Variants in NELL1 observed in about 807,000 individuals in gnomAD.
NELL1 encodes the protein neural EGFL like 1, also known as protein kinase C-binding protein NELL1.
A neutral mutation model predicts 107.4 loss-of-function variants in NELL1; 76 were observed. The ratio of observed to expected loss-of-function variants is 0.71; its 90% CI spans 0.59 to 0.86. The LOEUF is 0.86. Among genes scored for constraint, NELL1 ranks in the 40% least tolerant of loss-of-function variants. The probability of loss-of-function intolerance (pLI) is 0.00; values close to 1 mark genes in which losing one functional copy is unlikely to be tolerated. For synonymous variants in NELL1, 353 were observed against 341.2 expected, an observed-to-expected ratio of 1.03 and a Z score of -0.38; for missense variants, 1,024 against 1,005.5, an observed-to-expected ratio of 1.02 and a Z score of -0.25.
At position 21,044,358 on chromosome 11, in the gene NELL1, G is replaced by A. The variant is rs573284907; in HGVS notation, c.1301-69231G>A. ...AAGCAGTTTTCATAGGAGTGGTGAGGGCAGAAAGCTGCCAGAAAGGAAGAG... is the reference window on the plus strand; with the variant it reads ...AAGCAGTTTTCATAGGAGTGGTGAGAGCAGAAAGCTGCCAGAAAGGAAGAG... On this transcript the variant is annotated intron_variant, in intron 12 of 19. Coordinates refer to ENST00000357134, the MANE Select transcript of NELL1 (RefSeq NM_006157.5). Among the ~76,000 whole-genome samples the A allele has an allele frequency of 4.6e-5, 7 of 152,204 alleles. No homozygotes were observed. The South Asian group carries it at 8.3e-4, about 18-fold the overall frequency.
chr11:20,767,669 T>G (rs1376131758), intron 2 of NELL1, among the ~76,000 whole-genome samples: 1 of 152,220 alleles, frequency 6.6e-6, no homozygotes, highest in Non-Finnish European at 1.5e-5. Context: ...ACCCTGTCCT[T>G]GAGGGGCTAT....
chr11:21,554,936 A>G (rs1260072999), intron 16 of NELL1, among the ~76,000 whole-genome samples: 3 of 152,056 alleles, frequency 2.0e-5, no homozygotes, highest in Admixed American at 6.6e-5. Context: ...CTGGATTACA[A>G]AGGTTAAGCT....
intron 10 of NELL1, among the ~76,000 whole-genome samples, chr11:20,940,591 C>A (rs2134190081): frequency 6.6e-6 from 1 of 152,230 alleles, no homozygotes; most frequent in South Asian, 2.1e-4. Context: ...GGATTTCTCA[C>A]ATGCTGGCCA....
At chr11:21,040,307 G>A (rs1853198705) in intron 12 of NELL1, among the ~76,000 whole-genome samples, 1 of 151,996 alleles carries the variant, frequency 6.6e-6, no homozygotes, top group African/African-American at 2.4e-5. Context: ...CTACTTCTTT[G>A]AACATTTACT....
intron 14 of NELL1, among the ~76,000 whole-genome samples, chr11:21,337,735 CCTTTCTTTCTTTCTTTCTTTCTTTCTTT>C (rs34658936): frequency 2.8e-4 from 30 of 105,298 alleles, no homozygotes; most frequent in East Asian, 8.2e-4. Flanking sequence ...TTCTTTCTTT[CCTTTCTTTCTTTCTTTCTTTCTTTCTTT>C]CTTTCTTTCT....
chr11:20,783,550 T>G, intron 2 of NELL1, 130 bp from the exon 3 acceptor site: 1 of 620,662 alleles, frequency 1.6e-6, no homozygotes, highest in Non-Finnish European at 2.7e-6. Flanking sequence ...GACATGACAT[T>G]TTTAACCATG....
chr11:21,076,244 A>T (rs1243057344), intron 12 of NELL1, among the ~76,000 whole-genome samples: 1 of 152,230 alleles, frequency 6.6e-6, no homozygotes, highest in Non-Finnish European at 1.5e-5. Context: ...ACCCTGTGTA[A>T]CACGGATACC....
At chr11:20,826,894 C>T (rs1169798913) in intron 3 of NELL1, among the ~76,000 whole-genome samples, 1 of 151,188 alleles carries the variant, frequency 6.6e-6, no homozygotes, top group Non-Finnish European at 1.5e-5. Flanking sequence ...GGGAAGGGAA[C>T]TAACATTTGC....
chr11:21,051,636 T>C (rs1331382319), intron 12 of NELL1, among the ~76,000 whole-genome samples: 2 of 152,202 alleles, frequency 1.3e-5, no homozygotes, highest in Non-Finnish European at 2.9e-5. Context: ...CTCCCATCTA[T>C]GGGACATGAC....
chr11:21,262,715 T>G (rs1376551867), intron 14 of NELL1: 2 of 151,884 alleles, frequency 1.3e-5, no homozygotes, highest in East Asian at 1.9e-4. Context: ...GTTTTAAATT[T>G]CATGATGATA....
intron 1 of NELL1, among the ~76,000 whole-genome samples, chr11:20,670,836 C>CT (rs1234917934): frequency 2.0e-5 from 3 of 152,236 alleles, no homozygotes; most frequent in Non-Finnish European, 2.9e-5. Context: ...TATTCTCCCC[C>CT]CTTTACCATC....
At chr11:21,290,825 C>T (rs1209415243) in intron 14 of NELL1, among the ~76,000 whole-genome samples, 2 of 152,106 alleles carry the variant, frequency 1.3e-5, no homozygotes, top group East Asian at 1.9e-4. Flanking sequence ...CACACAGAAA[C>T]CCCATCCGAA....
intron 14 of NELL1, among the ~76,000 whole-genome samples, chr11:21,243,903 G>A (rs1306996272): frequency 6.6e-6 from 1 of 152,040 alleles, no homozygotes; most frequent in African/African-American, 2.4e-5. Flanking sequence ...GATCTCTGGA[G>A]AGGCAGCAGG....
chr11:20,963,350 C>T (rs759930809), intron 12 of NELL1, among the ~76,000 whole-genome samples: 5 of 152,134 alleles, frequency 3.3e-5, no homozygotes, highest in Admixed American at 1.3e-4. Flanking sequence ...TCACCACACA[C>T]ACACTTCTAG....
At chr11:21,228,558 A>G (rs530417054) in intron 13 of NELL1, among the ~76,000 whole-genome samples, 8 of 152,060 alleles carry the variant, frequency 5.3e-5, no homozygotes, top group Non-Finnish European at 1.0e-4. Context: ...TACTCCTTCA[A>G]AAATTTTTTT....
chr11:21,229,501 G>C (rs1857986905), intron 14 of NELL1, 47 bp downstream of exon 14: 7 of 1,610,754 alleles, frequency 4.3e-6, no homozygotes, highest in Admixed American at 1.7e-5. Flanking sequence ...CATTCTGCCT[G>C]GGCTCTTGGC....
intron 3 of NELL1, among the ~76,000 whole-genome samples, chr11:20,835,389 C>G (rs905667192): frequency 1.3e-5 from 2 of 152,148 alleles, no homozygotes; most frequent in Non-Finnish European, 2.9e-5. Flanking sequence ...ATCTTGCTTT[C>G]ACAGTATGTA....
intron 17 of NELL1, 142 bp downstream of exon 17, chr11:21,560,524 A>G: frequency 1.4e-6 from 1 of 702,128 alleles, no homozygotes; most frequent in Non-Finnish European, 2.3e-6. Flanking sequence ...ATTACAGCTA[A>G]TGATGATGCT....
rs186936116 is a variant in NELL1 at position 20,672,210 on chromosome 11, C to T, written c.55+2432C>T. On this transcript the variant is annotated intron_variant, in intron 1 of 19. Coordinates refer to ENST00000357134, the MANE Select transcript of NELL1 (RefSeq NM_006157.5). ...TCTGATTCTGTGCAGAAATCATTTC[C>T]ACATCATCCATCCACCCTCTTCTTA... Among the ~76,000 whole-genome samples, 16 of 152,296 alleles carry T rather than the reference C, an allele frequency of 1.1e-4. No homozygotes were observed. In the East Asian group the frequency reaches 2.9e-3, roughly 28 times the overall value.
Sources: allele counts gnomAD v4.1 joint callset (sites outside exome capture counted in the v4.1 genomes callset), GRCh38; gene constraint gnomAD v4.1.1; transcripts MANE v1.5; gene names NCBI Gene and HGNC (gene_info 2026-07-23, HGNC 2026-07-21).